The following SFI1 variants were observed in gnomAD, a reference collection of about 807,000 sequenced individuals.
SFI1 encodes protein SFI1 homolog.
Under a neutral mutation model 207.5 loss-of-function variants are expected in SFI1, and 195 were observed. The ratio of observed to expected loss-of-function variants is 0.94; its 90% CI spans 0.84 to 1.06. SFI1 has a LOEUF of 1.06. SFI1 is among the 50% of genes least tolerant of loss of function. The pLI, the probability that SFI1 is intolerant of heterozygous loss-of-function variation, is 0.00. For missense variants in SFI1, 1,634 were observed against 1,588.0 expected, an observed-to-expected ratio of 1.03 and a Z score of -0.49; for synonymous variants, 630 against 598.9, an observed-to-expected ratio of 1.05 and a Z score of -0.76.
In SFI1 at chr22:31,616,778, C is replaced by T; in HGVS notation, c.3334C>T (p.Pro1112Ser). The T allele has an allele frequency of 6.3e-7, 1 of 1,588,240 alleles. No homozygotes were observed. The highest frequency in any genetic ancestry group is 1.2e-5 in the South Asian group (1 of 86,744). Reference protein sequence around the residue: ...SAQRATPRDKPPVPSSLASVP... With the variant: ...SAQRATPRDKSPVPSSLASVP... Reference sequence around the variant, plus strand: ...ACAGCGGGCTACTCCTAGGGATAAGCCCCCGGTCCCCTCATCCCTGGCCAG... The same window carrying T: ...ACAGCGGGCTACTCCTAGGGATAAGTCCCCGGTCCCCTCATCCCTGGCCAG... The change falls in exon 30 of 33, where the codon CCC becomes TCC. Residue 1112 changes from proline (P) to serine (S), a missense_variant. Coordinates refer to ENST00000400288, the MANE Select transcript of SFI1 (RefSeq NM_001007467.3).
intron 15 of SFI1, among the ~76,000 whole-genome samples, chr22:31,599,796 A>G (rs2067809879): frequency 6.6e-6 from 1 of 151,928 alleles, no homozygotes; most frequent in African/African-American, 2.4e-5. Context: ...TAGAATTAAT[A>G]TACCATTTCA....
At chr22:31,511,464 GTTT>G (rs758898165) in intron 2 of SFI1, among the ~76,000 whole-genome samples, 3 of 114,558 alleles carry the variant, frequency 2.6e-5, no homozygotes, top group African/African-American at 3.1e-5. Flanking sequence ...CATAGTTTCT[GTTT>G]TTTTTTTTTT....
At chr22:31,591,780 C>A (rs1156230386) in intron 15 of SFI1, among the ~76,000 whole-genome samples, 1 of 57,250 alleles carries the variant, frequency 1.7e-5, no homozygotes, top group Admixed American at 1.7e-4. Flanking sequence ...GGGGGGCTGA[C>A]CCCCCCCACC....
Position 31,559,570 on chromosome 22 carries a change from A to G in SFI1, c.663-1720A>G, listed in dbSNP as rs1906409556. 5 of 616,726 alleles carry G rather than the reference A, an allele frequency of 8.1e-6. No homozygotes were observed. In the South Asian group the frequency reaches 8.1e-5, roughly 10 times the overall value. The allele number at this position is 616,726 out of a possible 1,614,324, so 38.2% of individuals were successfully genotyped here. ...CGGGCAGCAGAAAATAGGCTTTGCC[A>G]TCACTGCCATTAAGGATGTGGGTTG... On this transcript the variant is annotated intron_variant, in intron 7 of 32. Coordinates refer to ENST00000400288, the MANE Select transcript of SFI1 (RefSeq NM_001007467.3).
At chr22:31,588,986 A>T (rs2065416747) in intron 14 of SFI1, among the ~76,000 whole-genome samples, 1 of 152,180 alleles carries the variant, frequency 6.6e-6, no homozygotes, top group Admixed American at 6.5e-5. Flanking sequence ...TTATAATTAC[A>T]TTAATGTGTA....
At chr22:31,617,739 AGAG>A (rs1239039633) in intron 31 of SFI1, among the ~76,000 whole-genome samples, 4 of 150,606 alleles carry the variant, frequency 2.7e-5, no homozygotes, top group African/African-American at 9.8e-5. Flanking sequence ...AAAAAAATGC[AGAG>A]GAGACAGGCC....
chr22:31,610,718 G>C (rs2069944352), intron 22 of SFI1, among the ~76,000 whole-genome samples: 1 of 152,180 alleles, frequency 6.6e-6, no homozygotes, highest in South Asian at 2.1e-4. Flanking sequence ...CTGGGCCTTG[G>C]TTTCCACCCT....
intron 15 of SFI1, among the ~76,000 whole-genome samples, chr22:31,600,457 C>A (rs2067919735): frequency 6.6e-6 from 1 of 152,214 alleles, no homozygotes; most frequent in Admixed American, 6.5e-5. Context: ...GTCTTTCAAC[C>A]CTGTCCAGCT....
chr22:31,591,016 G>A (rs1331676530), intron 15 of SFI1, among the ~76,000 whole-genome samples: 1 of 149,502 alleles, frequency 6.7e-6, no homozygotes, highest in Non-Finnish European at 1.5e-5. Context: ...TTCTCACAGA[G>A]GGGGATTTGG....
chr22:31,614,543 C>T (rs1460970951), intron 27 of SFI1: 6 of 679,788 alleles, frequency 8.8e-6, no homozygotes, highest in East Asian at 5.7e-5. Flanking sequence ...TGTACACCAG[C>T]GTCACCAGGG....
rs9621295 is a variant in SFI1 at position 31,611,167 on chromosome 22, G to A, written c.2279G>A (p.Arg760His). 76,986 of 1,614,134 alleles carry A rather than the reference G, an allele frequency of 0.048. 2,059 individuals are homozygous for A. Among genetic ancestry groups the A allele is most frequent in the African/African-American group, 0.1 (7,755 of 75,052 alleles). ...DRGCLRTWFQ[R>H]WWDCSRRSAQ... ...GGCTGTCTGCGGACCTGGTTTCAGCGCTGGTGGGACTGCAGCCGGAGGTCA... is the reference window on the plus strand; with the variant it reads ...GGCTGTCTGCGGACCTGGTTTCAGCACTGGTGGGACTGCAGCCGGAGGTCA... Residue 760 changes from arginine to histidine, a missense_variant, in exon 23 of 33, where the codon CGC becomes CAC. Physicochemically the swap from Arg to His is conservative, Grantham distance 29 (BLOSUM62 0). Coordinates refer to ENST00000400288, the MANE Select transcript of SFI1 (RefSeq NM_001007467.3).
At chr22:31,547,621 G>T (rs1449816801) in intron 5 of SFI1, among the ~76,000 whole-genome samples, 12 of 139,404 alleles carry the variant, frequency 8.6e-5, no homozygotes, top group Non-Finnish European at 1.6e-5. Flanking sequence ...TGTTTTTTTT[G>T]TTTTTTTTTG....
At chr22:31,599,993 G>T (rs2067852500) in intron 15 of SFI1, among the ~76,000 whole-genome samples, 1 of 151,990 alleles carries the variant, frequency 6.6e-6, no homozygotes, top group Non-Finnish European at 1.5e-5. Context: ...AAAGTGCTGG[G>T]ATTACAGGAG....
At chr22:31,498,323 C>T (rs985236959) in intron 1 of SFI1, among the ~76,000 whole-genome samples, 1 of 150,900 alleles carries the variant, frequency 6.6e-6, no homozygotes, top group African/African-American at 2.4e-5. Flanking sequence ...TATTTTGTGA[C>T]CCCATAGCTG....
At chr22:31,508,472 GGTA>G (rs1258751314) in intron 2 of SFI1, 96 bp downstream of exon 2, 15 of 871,650 alleles carry the variant, frequency 1.7e-5, no homozygotes, top group Admixed American at 8.5e-5. Context: ...TTATGAGTGA[GGTA>G]GTAACTGTGG....
At chr22:31,591,612 C>T (rs1180910680) in intron 15 of SFI1, among the ~76,000 whole-genome samples, 4 of 124,324 alleles carry the variant, frequency 3.2e-5, no homozygotes, top group African/African-American at 1.0e-4. Flanking sequence ...CCCCCCCCAC[C>T]TCCCTCCCGG....
chr22:31,538,744 T>A (rs1365739857), intron 4 of SFI1, among the ~76,000 whole-genome samples: 1 of 152,164 alleles, frequency 6.6e-6, no homozygotes, highest in Admixed American at 6.6e-5. Context: ...CCTCTTGTGT[T>A]TTTTCTCCTA....
At chr22:31,555,040 C>A (rs2061025057) in intron 6 of SFI1, among the ~76,000 whole-genome samples, 1 of 152,126 alleles carries the variant, frequency 6.6e-6, no homozygotes, top group South Asian at 2.1e-4. Context: ...AGTATGATTT[C>A]AGTTCCTTTA....
intron 2 of SFI1, among the ~76,000 whole-genome samples, chr22:31,513,767 G>A (rs2056019650): frequency 6.6e-6 from 1 of 151,692 alleles, no homozygotes; most frequent in African/African-American, 2.4e-5. Flanking sequence ...TTTTAGTAGA[G>A]ACAGGGTTTC....
Sources: allele counts gnomAD v4.1 joint callset (sites outside exome capture counted in the v4.1 genomes callset), GRCh38; gene constraint gnomAD v4.1.1; transcripts MANE v1.5; gene names NCBI Gene and HGNC (gene_info 2026-07-23, HGNC 2026-07-21).